The following COL24A1 variants were observed in gnomAD, a reference collection of about 807,000 sequenced individuals.
COL24A1 encodes the protein collagen alpha-1(XXIV) chain.
Under a neutral mutation model 253.9 loss-of-function variants are expected in COL24A1, and 224 were observed. That is an observed-to-expected ratio of 0.88 (90% confidence interval 0.79 to 0.99). COL24A1 has a LOEUF of 0.99. Among genes scored for constraint, COL24A1 ranks in the 50% least tolerant of loss-of-function variants. The pLI, the probability that COL24A1 is intolerant of heterozygous loss-of-function variation, is 0.00. For synonymous variants in COL24A1, 685 were observed against 673.7 expected, an observed-to-expected ratio of 1.02 and a Z score of -0.26; for missense variants, 2,131 against 2,068.5, an observed-to-expected ratio of 1.03 and a Z score of -0.59.
At chr1:85,782,309 A>G (rs1381784949) in intron 51 of COL24A1, among the ~76,000 whole-genome samples, 1 of 152,166 alleles carries the variant, frequency 6.6e-6, no homozygotes, top group Non-Finnish European at 1.5e-5. Flanking sequence ...GCTAGTCTCA[A>G]ACTCCTGACC....
At chr1:85,763,078 C>A (rs1292569212) in intron 53 of COL24A1, among the ~76,000 whole-genome samples, 1 of 152,114 alleles carries the variant, frequency 6.6e-6, no homozygotes, top group Admixed American at 6.6e-5. Flanking sequence ...ATTACTCTAG[C>A]TAATACACCA....
intron 2 of COL24A1, among the ~76,000 whole-genome samples, chr1:86,129,532 G>A (rs12569126): frequency 0.14 from 20,537 of 151,320 alleles, 1,559 homozygotes; most frequent in East Asian, 0.29. Flanking sequence ...GATAATGAAG[G>A]CATTTAAGTT....
At chr1:86,048,666 AT>A (rs1361148913) in intron 11 of COL24A1, among the ~76,000 whole-genome samples, 1 of 151,884 alleles carries the variant, frequency 6.6e-6, no homozygotes, top group Non-Finnish European at 1.5e-5. Flanking sequence ...AATTTTTTGT[AT>A]TTTTAGTAGA....
chr1:85,733,523 C>T (rs916847275), intron 59 of COL24A1, among the ~76,000 whole-genome samples: 4 of 152,096 alleles, frequency 2.6e-5, no homozygotes, highest in Non-Finnish European at 5.9e-5. Flanking sequence ...AGTTTGCCAA[C>T]ACCTGCTCTA....
At position 86,022,584 on chromosome 1, in the gene COL24A1, T is replaced by A. The variant is rs779553889; in HGVS notation, c.2156A>T (p.Gln719Leu). The change falls in exon 17 of 60, where the codon CAA (glutamine) becomes CTA (leucine). Residue 719 changes from glutamine to leucine, a missense_variant. Physicochemically the swap from Gln to Leu is moderately radical, Grantham distance 113. Transcript: ENST00000370571. ...LPGIKGDKGE[Q>L]GTAGELGEPG... ...TTCTCCTAGCTCTCCTGCTGTGCCT[T>A]GTTCACCCTGGAAAGCACAATTTCA... The A allele has an allele frequency of 1.9e-6, 3 of 1,612,802 alleles. No individual in the cohort carries two copies. Among genetic ancestry groups the A allele is most frequent in the Non-Finnish European group, 2.5e-6 (3 of 1,179,432 alleles).
At chr1:85,965,106 C>A in intron 22 of COL24A1, 44 bp from the exon 23 acceptor site, 2 of 1,481,736 alleles carry the variant, frequency 1.3e-6, no homozygotes, top group South Asian at 1.3e-5. Context: ...TATGTTTAGT[C>A]ATTCTCATTT....
At chr1:85,946,300 G>A (rs546699661) in intron 24 of COL24A1, among the ~76,000 whole-genome samples, 2 of 152,164 alleles carry the variant, frequency 1.3e-5, no homozygotes, top group African/African-American at 4.8e-5. Flanking sequence ...ACACCGCACC[G>A]GGTTTCCGCG....
At chr1:86,008,341 C>G (rs1475961827) in intron 19 of COL24A1, among the ~76,000 whole-genome samples, 1 of 151,956 alleles carries the variant, frequency 6.6e-6, no homozygotes, top group Non-Finnish European at 1.5e-5. Flanking sequence ...GCCTCCTGGG[C>G]TCAAGTGTTC....
chr1:85,802,235 C>T (rs1375227592), intron 47 of COL24A1, among the ~76,000 whole-genome samples: 1 of 152,180 alleles, frequency 6.6e-6, no homozygotes, highest in East Asian at 1.9e-4. Context: ...GGTCTACTCT[C>T]TTTAGATAAT....
At chr1:85,789,078 A>G (rs1670006336) in intron 47 of COL24A1, among the ~76,000 whole-genome samples, 1 of 152,128 alleles carries the variant, frequency 6.6e-6, no homozygotes, top group Non-Finnish European at 1.5e-5. Flanking sequence ...TTTAAAAAAT[A>G]GTTGTTTCTA....
At chr1:85,890,317 C>A (rs1682982224) in intron 31 of COL24A1, among the ~76,000 whole-genome samples, 1 of 152,102 alleles carries the variant, frequency 6.6e-6, no homozygotes, top group Non-Finnish European at 1.5e-5. Context: ...TGACAAACCA[C>A]CAAACTGTTT....
At chr1:85,838,195 G>A (rs1676225079) in intron 43 of COL24A1, among the ~76,000 whole-genome samples, 1 of 152,020 alleles carries the variant, frequency 6.6e-6, no homozygotes, top group Non-Finnish European at 1.5e-5. Context: ...TTTTTCTCAT[G>A]GATCCCACAT....
At chr1:85,812,914 C>T (rs1270005291) in intron 47 of COL24A1, among the ~76,000 whole-genome samples, 1 of 152,198 alleles carries the variant, frequency 6.6e-6, no homozygotes, top group Admixed American at 6.5e-5. Flanking sequence ...CAACATTGAG[C>T]TCCCAACAAG....
At chr1:85,878,285 T>A (rs528545176) in intron 32 of COL24A1, among the ~76,000 whole-genome samples, 43 of 152,298 alleles carry the variant, frequency 2.8e-4, no homozygotes, top group African/African-American at 1.0e-3. Context: ...ACTTGCTGCT[T>A]CATAGATGGT....
At chr1:85,914,231 C>T (rs1685642836) in intron 24 of COL24A1, among the ~76,000 whole-genome samples, 1 of 151,556 alleles carries the variant, frequency 6.6e-6, no homozygotes, top group South Asian at 2.1e-4. Context: ...TAAATACCTG[C>T]TATGGCCATG....
chr1:85,948,211 CA>C (rs1194683855), intron 24 of COL24A1, among the ~76,000 whole-genome samples: 2 of 152,016 alleles, frequency 1.3e-5, no homozygotes, highest in African/African-American at 4.8e-5. Flanking sequence ...AATTATTTAC[CA>C]TGAACTTTTT....
At chr1:85,854,566 A>G (rs1299541927) in intron 37 of COL24A1, among the ~76,000 whole-genome samples, 2 of 152,086 alleles carry the variant, frequency 1.3e-5, no homozygotes, top group African/African-American at 4.8e-5. Flanking sequence ...AAGTATGGCC[A>G]TTTTACCAAT....
At position 85,788,977 on chromosome 1, in the gene COL24A1, T is replaced by C. The variant is rs181024675; in HGVS notation, c.3952-2516A>G. ...TGGTTACTGTAGCTTTGTAGTATAG[T>C]TTGAAGTCAGGCAGAGTGATGCTTC... On this transcript the variant is annotated intron_variant, in intron 47 of 59. Coordinates refer to ENST00000370571, the MANE Select transcript of COL24A1 (RefSeq NM_152890.7). Among the ~76,000 whole-genome samples the C allele has an allele frequency of 3.3e-5, 5 of 152,340 alleles. No homozygotes were observed. In the East Asian group the frequency reaches 9.6e-4, roughly 29 times the overall value.
At chr1:86,006,734 G>A (rs1186833030) in intron 19 of COL24A1, among the ~76,000 whole-genome samples, 1 of 151,774 alleles carries the variant, frequency 6.6e-6, no homozygotes, top group Non-Finnish European at 1.5e-5. Context: ...TTTGCAAAAG[G>A]CACATCTGAT....
Sources: gnomAD v4.1 joint callset for allele counts (sites outside exome capture counted in the v4.1 genomes callset) on GRCh38, gnomAD v4.1.1 for gene constraint, MANE v1.5 for transcripts, NCBI Gene and HGNC (gene_info 2026-07-23, HGNC 2026-07-21) for gene names.